SLC5A8: variants seen among roughly 807,000 people sequenced by gnomAD.
SLC5A8 encodes solute carrier family 5 member 8.
Under a neutral mutation model 71.9 loss-of-function variants are expected in SLC5A8, and 55 were observed. The observed-to-expected ratio is 0.77, with a 90% CI of 0.62 to 0.96. The LOEUF is 0.96. Among genes scored for constraint, SLC5A8 ranks in the 40% least tolerant of loss-of-function variants. The pLI is 0.00. For synonymous variants in SLC5A8, 307 were observed against 276.1 expected, an observed-to-expected ratio of 1.11 and a Z score of -1.11; for missense variants, 701 against 745.3, an observed-to-expected ratio of 0.94 and a Z score of 0.69.
At position 101,156,923 on chromosome 12, in the gene SLC5A8, A is replaced by T. The variant is rs886796945; in HGVS notation, c.*356T>A. Reference sequence around the variant, plus strand: ...CAAACTTATATGCTAGCACCAAGGCATGGAAAATATTTTCAATAATACCCA... The same window carrying T: ...CAAACTTATATGCTAGCACCAAGGCTTGGAAAATATTTTCAATAATACCCA... On this transcript the variant is annotated 3_prime_UTR_variant, in exon 15 of 15. Transcript: ENST00000536262. 2 of 177,394 alleles carry T rather than the reference A, an allele frequency of 1.1e-5. No individual in the cohort carries two copies. Among genetic ancestry groups the T allele is most frequent in the Non-Finnish European group, 2.4e-5 (2 of 84,148 alleles). The allele number at this position is 177,394 out of a possible 1,614,324, so 11.0% of individuals were successfully genotyped here.
At chr12:101,175,319 A>G (rs2051869535) in intron 10 of SLC5A8, among the ~76,000 whole-genome samples, 1 of 152,154 alleles carries the variant, frequency 6.6e-6, no homozygotes, top group Non-Finnish European at 1.5e-5. Flanking sequence ...GATCTGTAGA[A>G]CTATAACAAA....
At chr12:101,184,293 A>C (rs1868514678) in intron 7 of SLC5A8, 71 bp from the exon 8 acceptor site, 8 of 1,276,694 alleles carry the variant, frequency 6.3e-6, no homozygotes, top group Non-Finnish European at 7.9e-6. Flanking sequence ...CTAGTTTATC[A>C]TTTGTCTTGT....
chr12:101,185,075 C>T (rs1326802234), intron 7 of SLC5A8, among the ~76,000 whole-genome samples: 1 of 152,148 alleles, frequency 6.6e-6, no homozygotes, highest in Non-Finnish European at 1.5e-5. Context: ...GCTTCCATAG[C>T]CTCTTCAATT....
At chr12:101,204,259 T>A (rs181461510) in intron 2 of SLC5A8, among the ~76,000 whole-genome samples, 1 of 152,358 alleles carries the variant, frequency 6.6e-6, no homozygotes, top group African/African-American at 2.4e-5. Context: ...CGACTGTTGC[T>A]TTATCAGTAT....
intron 4 of SLC5A8, 121 bp from the exon 5 acceptor site, chr12:101,193,900 C>G: frequency 1.0e-6 from 1 of 953,652 alleles, no homozygotes; most frequent in Non-Finnish European, 1.5e-6. Flanking sequence ...GAAGTGCACT[C>G]AAGGGAAACA....
intron 10 of SLC5A8, among the ~76,000 whole-genome samples, chr12:101,169,890 AAC>A (rs2051811915): frequency 2.0e-5 from 3 of 152,236 alleles, no homozygotes; most frequent in Non-Finnish European, 4.4e-5. Flanking sequence ...CTAAATAAAT[AAC>A]TGTAATACAG....
At chr12:101,158,594 CTCTCTATATATA>C (rs1428239461) in intron 13 of SLC5A8, among the ~76,000 whole-genome samples, 399 of 21,112 alleles carry the variant, frequency 0.019, no homozygotes, top group Non-Finnish European at 0.022. Context: ...CTCTCTCTCT[CTCTCTATATATA>C]TATATATATA....
At position 101,209,569 on chromosome 12, in the gene SLC5A8, A is replaced by G. The variant is rs759203574; in HGVS notation, c.280T>C (p.Phe94Leu). The G allele has an allele frequency of 6.2e-7, 1 of 1,614,104 alleles. No individual in the cohort carries two copies. The highest frequency in any genetic ancestry group is 1.7e-5 in the Admixed American group (1 of 60,024). Residue 94 changes from phenylalanine (F) to leucine (L), a missense_variant, in exon 1 of 15, where the codon TTT becomes CTT. Physicochemically the swap from Phe to Leu is conservative, Grantham distance 22 (BLOSUM62 0). Coordinates refer to ENST00000536262, the MANE Select transcript of SLC5A8 (RefSeq NM_145913.5). ...IFSIFAFTYF[F>L]VVVISAEVFL... ...ACCTCCGCGCTGATGACCACCACAAAGAAGTAGGTGAAGGCAAAGATGCTA... is the reference window on the plus strand; with the variant it reads ...ACCTCCGCGCTGATGACCACCACAAGGAAGTAGGTGAAGGCAAAGATGCTA...
chr12:101,191,324 A>G (rs1868900391), intron 5 of SLC5A8, among the ~76,000 whole-genome samples: 1 of 152,232 alleles, frequency 6.6e-6, no homozygotes, highest in Non-Finnish European at 1.5e-5. Flanking sequence ...TTCATCTCTG[A>G]TATACAATAT....
chr12:101,180,173 C>A, intron 9 of SLC5A8, 77 bp from the exon 10 acceptor site: 1 of 1,414,270 alleles, frequency 7.1e-7, no homozygotes, highest in South Asian at 1.2e-5. Context: ...ATCCACCACA[C>A]CTTTGATTCA....
intron 6 of SLC5A8, among the ~76,000 whole-genome samples, chr12:101,187,804 A>G (rs953178117): frequency 1.3e-5 from 2 of 152,206 alleles, no homozygotes; most frequent in African/African-American, 4.8e-5. Context: ...AAAGGTACCT[A>G]GTTATACTAC....
At chr12:101,199,081 T>A (rs745633002) in intron 3 of SLC5A8, among the ~76,000 whole-genome samples, 5 of 151,804 alleles carry the variant, frequency 3.3e-5, no homozygotes, top group Non-Finnish European at 5.9e-5. Context: ...TATCAACATA[T>A]AAAAGTCAGT....
chr12:101,187,588 G>T, intron 6 of SLC5A8, 73 bp from the exon 7 acceptor site: 1 of 1,455,144 alleles, frequency 6.9e-7, no homozygotes, highest in Non-Finnish European at 9.3e-7. Flanking sequence ...CCTGTTACAT[G>T]ATCAAAAGAG....
At chr12:101,201,217 T>A (rs993493772) in intron 3 of SLC5A8, among the ~76,000 whole-genome samples, 2 of 152,210 alleles carry the variant, frequency 1.3e-5, no homozygotes, top group Non-Finnish European at 2.9e-5. Context: ...GATCCACTTG[T>A]GATGTTGGTA....
intron 1 of SLC5A8, among the ~76,000 whole-genome samples, chr12:101,208,899 CA>C (rs1355369608): frequency 6.6e-6 from 1 of 152,094 alleles, no homozygotes; most frequent in Non-Finnish European, 1.5e-5. Flanking sequence ...GGAATAGGCA[CA>C]AAAGGTTGGG....
At chr12:101,186,807 T>C (rs1219199313) in intron 7 of SLC5A8, among the ~76,000 whole-genome samples, 1 of 152,208 alleles carries the variant, frequency 6.6e-6, no homozygotes, top group Non-Finnish European at 1.5e-5. Context: ...TTCTTACTTA[T>C]TAGCAATGTG....
intron 8 of SLC5A8, 89 bp from the exon 9 acceptor site, chr12:101,183,004 A>C (rs1186519194): frequency 2.2e-6 from 1 of 461,524 alleles, no homozygotes. Context: ...ACAAATTGTC[A>C]CTTCTAAAAT....
chr12:101,164,660 C>T (rs1250975737), intron 12 of SLC5A8, among the ~76,000 whole-genome samples: 1 of 152,086 alleles, frequency 6.6e-6, no homozygotes, highest in African/African-American at 2.4e-5. Flanking sequence ...CAGATTGTGT[C>T]CCTGTGCTCA....
intron 3 of SLC5A8, among the ~76,000 whole-genome samples, chr12:101,197,762 C>T (rs1247458472): frequency 1.3e-5 from 2 of 152,054 alleles, no homozygotes; most frequent in Non-Finnish European, 2.9e-5. Flanking sequence ...TAGCATCCTT[C>T]TCTCAGCAAT....
Sources: allele counts gnomAD v4.1 joint callset (sites outside exome capture counted in the v4.1 genomes callset), GRCh38; gene constraint gnomAD v4.1.1; transcripts MANE v1.5; gene names NCBI Gene and HGNC (gene_info 2026-07-23, HGNC 2026-07-21).